RCOR1: variants seen among roughly 807,000 people sequenced by gnomAD.
The protein encoded by RCOR1 is REST corepressor 1, also known as REST corepressor.
Under a neutral mutation model 64.0 loss-of-function variants are expected in RCOR1, and 12 were observed. The ratio of observed to expected loss-of-function variants is 0.19; its 90% CI spans 0.12 to 0.30. RCOR1 has a LOEUF of 0.30. Among genes scored for constraint, RCOR1 ranks in the 10% least tolerant of loss-of-function variants. The pLI, the probability that RCOR1 is intolerant of heterozygous loss-of-function variation, is 1.00. For missense variants in RCOR1, 502 were observed against 621.2 expected, an observed-to-expected ratio of 0.81 and a Z score of 2.04; for synonymous variants, 279 against 227.2, an observed-to-expected ratio of 1.23 and a Z score of -2.05.
intron 2 of RCOR1, among the ~76,000 whole-genome samples, chr14:102,649,128 T>C (rs1430984463): frequency 6.6e-6 from 1 of 151,788 alleles, no homozygotes; most frequent in Non-Finnish European, 1.5e-5. Flanking sequence ...ACCACTGAAC[T>C]CTGGCCTGGG....
rs570526523 is a variant in RCOR1 at position 102,621,709 on chromosome 14, TTAAA to T, written c.361+28386_361+28389del. ...CATAGTTGGCACGAAATAAAATCAC[TTAAA>T]TGAATGAATGAGTGAAATACAAAGG... is the stretch of plus-strand genomic sequence containing the variant. On this transcript the variant is annotated intron_variant, in intron 2 of 11. Coordinates refer to ENST00000262241, the MANE Select transcript of RCOR1 (RefSeq NM_015156.4). 3.3e-3 allele frequency among the ~76,000 whole-genome samples: 326 copies of T among 98,812 alleles called. 1 individual carries two copies. The highest frequency in any genetic ancestry group is 7.6e-3 in the African/African-American group (280 of 37,058). 64.8% of individuals were successfully genotyped at this position (98,812 alleles called of 152,430 possible).
At chr14:102,596,203 G>A (rs1240924418) in intron 2 of RCOR1, among the ~76,000 whole-genome samples, 2 of 151,768 alleles carry the variant, frequency 1.3e-5, no homozygotes, top group Non-Finnish European at 2.9e-5. Context: ...CTGGGTTCAA[G>A]CAATTTTCCT....
intron 2 of RCOR1, among the ~76,000 whole-genome samples, chr14:102,633,069 A>G (rs959484320): frequency 1.1e-4 from 16 of 151,210 alleles, no homozygotes; most frequent in African/African-American, 3.9e-4. Context: ...TCAGCATCCC[A>G]AAAGTGCTGG....
rs1567423361 is a variant in RCOR1, at chr14:102,653,962, TCTTTCTTTCTTTC to T, written c.362-27932_362-27920del. 4.1e-4 allele frequency among the ~76,000 whole-genome samples: 24 copies of T among 58,820 alleles called. 2 individuals carry two copies. The highest frequency in any genetic ancestry group is 2.6e-3 in the African/African-American group (21 of 8,012). The allele number at this position is 58,820 out of a possible 152,430, so 38.6% of individuals were successfully genotyped here. A position where few individuals can be genotyped will look rare whatever the true frequency, so the allele number is the denominator to read the frequency against. On this transcript the variant is annotated intron_variant, in intron 2 of 11. Transcript: ENST00000262241. ...TTCTTTCTTTCTTTCTTTCTTTCTTTCTTTCTTTCTTTCTTTCTTTCTTTTTTTTTTTTTTTTT... is the reference window on the plus strand; with the variant it reads ...TTCTTTCTTTCTTTCTTTCTTTCTTTTTTCTTTCTTTTTTTTTTTTTTTTT...
chr14:102,651,535 A>T (rs1894590153), intron 2 of RCOR1, among the ~76,000 whole-genome samples: 1 of 151,676 alleles, frequency 6.6e-6, no homozygotes, highest in Admixed American at 6.6e-5. Flanking sequence ...CCTGGGCAAC[A>T]GAGTGAGACT....
chr14:102,700,586 C>A (rs1437461822), intron 3 of RCOR1, among the ~76,000 whole-genome samples: 3 of 152,178 alleles, frequency 2.0e-5, no homozygotes, highest in Non-Finnish European at 4.4e-5. Flanking sequence ...CCAGGCTAAT[C>A]TAGAACTCCT....
At chr14:102,692,841 T>A (rs955667307) in intron 3 of RCOR1, among the ~76,000 whole-genome samples, 3 of 147,434 alleles carry the variant, frequency 2.0e-5, no homozygotes, top group African/African-American at 7.5e-5. Context: ...TCTCAGCCCA[T>A]TGCAACCTCC....
At chr14:102,703,561 A>G (rs1303562541) in intron 4 of RCOR1, among the ~76,000 whole-genome samples, 5 of 152,256 alleles carry the variant, frequency 3.3e-5, no homozygotes, top group Non-Finnish European at 5.9e-5. Context: ...TATTCAAAGC[A>G]GCAAGAGAAG....
intron 2 of RCOR1, among the ~76,000 whole-genome samples, chr14:102,624,950 C>T (rs536224713): frequency 6.6e-6 from 1 of 152,190 alleles, no homozygotes; most frequent in East Asian, 1.9e-4. Flanking sequence ...GGCTCAACTG[C>T]AGCCTTAATC....
At chr14:102,656,222 C>T (rs1595215333) in intron 2 of RCOR1, 4 of 523,624 alleles carry the variant, frequency 7.6e-6, no homozygotes, top group Non-Finnish European at 7.3e-6. Context: ...TCACTGCAAC[C>T]TCCACCTCCC....
chr14:102,639,741 C>A (rs1319488910), intron 2 of RCOR1, among the ~76,000 whole-genome samples: 1 of 151,758 alleles, frequency 6.6e-6, no homozygotes, highest in Non-Finnish European at 1.5e-5. Flanking sequence ...CCATGTTGGC[C>A]GGGCTGGTCT....
chr14:102,603,291 TAAGAA>T (rs1893440476), intron 2 of RCOR1, among the ~76,000 whole-genome samples: 1 of 152,128 alleles, frequency 6.6e-6, no homozygotes, highest in Admixed American at 6.6e-5. Context: ...TAAGTATCGA[TAAGAA>T]AAGAGTGTCT....
At position 102,592,799 on chromosome 14, in the gene RCOR1, CCGG is replaced by C; in HGVS notation, c.-86_-84del. The C allele has an allele frequency of 8.5e-7, 1 of 1,179,674 alleles. No individual in the cohort carries two copies. The highest frequency in any genetic ancestry group is 1.6e-5 in the African/African-American group (1 of 61,692). 73.1% of individuals were successfully genotyped at this position (1,179,674 alleles called of 1,614,324 possible). ...CCCGCCGCGCCCGCCCGGCCCCGCG[CCGG>C]CCCCGCGCCCCCTCCCCCGTCTCGG... On this transcript the variant is annotated 5_prime_UTR_variant, in exon 1 of 12. Coordinates refer to ENST00000262241, the MANE Select transcript of RCOR1 (RefSeq NM_015156.4).
intron 2 of RCOR1, among the ~76,000 whole-genome samples, chr14:102,680,954 T>TA (rs1356144260): frequency 4.6e-5 from 7 of 152,206 alleles, no homozygotes; most frequent in Non-Finnish European, 1.0e-4. Context: ...ACTATTCTGT[T>TA]ACGGTTCTTT....
intron 2 of RCOR1, among the ~76,000 whole-genome samples, chr14:102,619,832 A>G (rs1893836844): frequency 6.6e-6 from 1 of 152,070 alleles, no homozygotes; most frequent in Non-Finnish European, 1.5e-5. Context: ...AGTTATGTAC[A>G]CCTCATCTAT....
At chr14:102,692,947 G>A (rs1895568502) in intron 3 of RCOR1, among the ~76,000 whole-genome samples, 1 of 151,776 alleles carries the variant, frequency 6.6e-6, no homozygotes, top group African/African-American at 2.4e-5. Context: ...CATATTTTTA[G>A]TAGAGTTGGG....
chr14:102,654,742 A>T (rs940488567), intron 2 of RCOR1, among the ~76,000 whole-genome samples: 1 of 151,582 alleles, frequency 6.6e-6, no homozygotes, highest in Non-Finnish European at 1.5e-5. Context: ...AAGAAAAAAA[A>T]TATAGAATTG....
intron 2 of RCOR1, among the ~76,000 whole-genome samples, chr14:102,621,087 A>G (rs1422738741): frequency 6.6e-6 from 1 of 152,172 alleles, no homozygotes; most frequent in East Asian, 1.9e-4. Flanking sequence ...CTCCTGTTTC[A>G]GCCTCCCGAG....
chr14:102,604,461 C>T (rs1893463983), intron 2 of RCOR1, among the ~76,000 whole-genome samples: 1 of 152,164 alleles, frequency 6.6e-6, no homozygotes, highest in Non-Finnish European at 1.5e-5. Context: ...GTTGCTTACT[C>T]TGTGCCAGGC....
Sources: allele counts gnomAD v4.1 joint callset (sites outside exome capture counted in the v4.1 genomes callset), GRCh38; gene constraint gnomAD v4.1.1; transcripts MANE v1.5; gene names NCBI Gene and HGNC (gene_info 2026-07-23, HGNC 2026-07-21).